ZNF804B: variants seen among roughly 807,000 people sequenced by gnomAD.
ZNF804B encodes the protein zinc finger 804B.
A neutral mutation model predicts 101.4 loss-of-function variants in ZNF804B; 80 were observed. The observed-to-expected ratio is 0.79, with a 90% CI of 0.66 to 0.95. The LOEUF is 0.95. ZNF804B is among the 40% of genes least tolerant of loss of function. The pLI, the probability that ZNF804B is intolerant of heterozygous loss-of-function variation, is 0.00. For missense variants in ZNF804B, 1,673 were observed against 1,561.9 expected (o/e 1.07, Z -1.20); for synonymous variants, 622 against 558.8 (o/e 1.11, Z -1.59).
chr7:89,083,868 A>G (rs1044063196), intron 1 of ZNF804B, among the ~76,000 whole-genome samples: 3 of 151,924 alleles, frequency 2.0e-5, no homozygotes, highest in Admixed American at 6.6e-5. Flanking sequence ...AATATACTTC[A>G]GATATGAGTA....
chr7:88,917,144 A>G (rs201491294), intron 1 of ZNF804B, among the ~76,000 whole-genome samples: 1 of 152,038 alleles, frequency 6.6e-6, no homozygotes, highest in East Asian at 1.9e-4. Context: ...AGGTGTGTGT[A>G]ATCCCAGCTA....
chr7:88,936,222 A>G (rs529774110), intron 1 of ZNF804B, among the ~76,000 whole-genome samples: 1 of 152,138 alleles, frequency 6.6e-6, no homozygotes, highest in South Asian at 2.1e-4. Context: ...GCATTACACT[A>G]TCATTTTAAT....
chr7:89,085,017 T>C (rs1019518981), intron 1 of ZNF804B, among the ~76,000 whole-genome samples: 3 of 151,916 alleles, frequency 2.0e-5, no homozygotes, highest in Non-Finnish European at 2.9e-5. Context: ...CTGTAGCTCT[T>C]TTTATTTCAA....
At chr7:88,921,662 A>G (rs1194232713) in intron 1 of ZNF804B, among the ~76,000 whole-genome samples, 2 of 152,060 alleles carry the variant, frequency 1.3e-5, no homozygotes, top group East Asian at 1.9e-4. Context: ...GATTACTAGC[A>G]TGTTTACTAG....
chr7:89,333,791 A>C lies in ZNF804B; in HGVS notation c.809A>C (p.Asn270Thr), dbSNP rs368157318. 5.1e-5 allele frequency: 82 copies of C among 1,613,382 alleles called. No individual in the cohort carries two copies. Among genetic ancestry groups the C allele is most frequent in the Non-Finnish European group, 6.4e-5 (76 of 1,179,754 alleles). ...AAGTGCAAGTGCTGCAGGTTTGCAA[A>C]TAAAGATACACACCTTACCAAGGAA... ...ADKCKCCRFA[N>T]KDTHLTKEKE... is the part of the protein sequence containing the mutation. The change falls in exon 4 of 4, where the codon AAT becomes ACT. Residue 270 changes from asparagine to threonine, a missense_variant. By Grantham distance (65) the Asn-to-Thr change is moderately conservative. Transcript: ENST00000333190.
At chr7:88,821,919 G>A (rs991153503) in intron 1 of ZNF804B, among the ~76,000 whole-genome samples, 5 of 152,096 alleles carry the variant, frequency 3.3e-5, no homozygotes, top group Admixed American at 1.3e-4. Context: ...CAAAAAGTAT[G>A]AGGAATGCTG....
intron 1 of ZNF804B, among the ~76,000 whole-genome samples, chr7:89,023,925 A>G (rs1788707220): frequency 6.6e-6 from 1 of 152,170 alleles, no homozygotes; most frequent in Non-Finnish European, 1.5e-5. Context: ...TTACAATGAA[A>G]CCAAGCTGAC....
intron 1 of ZNF804B, among the ~76,000 whole-genome samples, chr7:89,116,194 A>G (rs145618452): frequency 9.2e-5 from 14 of 152,086 alleles, no homozygotes; most frequent in African/African-American, 3.4e-4. Context: ...GATTACAGGC[A>G]TGAGCCACCG....
At chr7:88,816,095 C>T (rs1213118092) in intron 1 of ZNF804B, among the ~76,000 whole-genome samples, 10 of 152,066 alleles carry the variant, frequency 6.6e-5, no homozygotes, top group Admixed American at 6.6e-4. Context: ...TTTAACACCC[C>T]TCATTGAGCT....
At chr7:88,823,470 C>T (rs73200621) in intron 1 of ZNF804B, among the ~76,000 whole-genome samples, 4 of 152,018 alleles carry the variant, frequency 2.6e-5, no homozygotes, top group Non-Finnish European at 5.9e-5. Flanking sequence ...TGACTGATGC[C>T]ACAATTCAAG....
At chr7:88,969,519 A>G (rs563785510) in intron 1 of ZNF804B, among the ~76,000 whole-genome samples, 42 of 151,790 alleles carry the variant, frequency 2.8e-4, no homozygotes, top group Admixed American at 4.6e-4. Flanking sequence ...AATTCCTGTC[A>G]TTAGAGTGAT....
At chr7:89,054,624 G>A (rs924523801) in intron 1 of ZNF804B, among the ~76,000 whole-genome samples, 32 of 151,886 alleles carry the variant, frequency 2.1e-4, no homozygotes, top group Admixed American at 1.4e-3. Flanking sequence ...TTTGTTATCT[G>A]GCATAAAGCA....
At chr7:88,876,716 A>G (rs1791945178) in intron 1 of ZNF804B, among the ~76,000 whole-genome samples, 1 of 151,982 alleles carries the variant, frequency 6.6e-6, no homozygotes, top group Non-Finnish European at 1.5e-5. Context: ...CTCCTTGAAA[A>G]CATGGGCTGT....
intron 1 of ZNF804B, among the ~76,000 whole-genome samples, chr7:88,933,085 A>G (rs911051720): frequency 7.2e-5 from 11 of 151,948 alleles, no homozygotes; most frequent in African/African-American, 2.7e-4. Context: ...AATATCAAAA[A>G]TATAATACAC....
At chr7:89,091,641 T>G (rs554612227) in intron 1 of ZNF804B, among the ~76,000 whole-genome samples, 2 of 152,274 alleles carry the variant, frequency 1.3e-5, no homozygotes, top group South Asian at 4.2e-4. Context: ...AGACAATACA[T>G]CCCACAAAGA....
At chr7:89,076,557 C>G (rs535017842) in intron 1 of ZNF804B, among the ~76,000 whole-genome samples, 5 of 152,068 alleles carry the variant, frequency 3.3e-5, no homozygotes, top group Non-Finnish European at 5.9e-5. Flanking sequence ...CTAATACAAT[C>G]AGTTATAAAG....
intron 1 of ZNF804B, among the ~76,000 whole-genome samples, chr7:88,973,933 A>G (rs796707716): frequency 8.6e-5 from 13 of 151,498 alleles, no homozygotes; most frequent in African/African-American, 3.1e-4. Flanking sequence ...ATGAGAAAAT[A>G]GTGAGATGTT....
rs1491177302 is a variant in ZNF804B, at chr7:88,854,426, T to TCTTCCTTC, written c.108+94345_108+94346insCCTTCCTT. Among the ~76,000 whole-genome samples, 95 of 88,010 alleles carry TCTTCCTTC rather than the reference T, an allele frequency of 1.1e-3. 1 individual carries two copies. The highest frequency in any genetic ancestry group is 1.5e-3 in the Admixed American group (13 of 8,408). The allele number at this position is 88,010 out of a possible 152,430, so 57.7% of individuals were successfully genotyped here. A position where few individuals can be genotyped will look rare whatever the true frequency, so the allele number is the denominator to read the frequency against. On this transcript the variant is annotated intron_variant, in intron 1 of 3. Transcript: ENST00000333190. The stretch of plus-strand genomic sequence containing the variant: ...TTCTTTCTTTCTTCCTTTCTTTCTT[T>TCTTCCTTC]CTTTCTTTCTTTCTTTCTTTCTTTC...
intron 1 of ZNF804B, among the ~76,000 whole-genome samples, chr7:89,105,382 G>T (rs1790119025): frequency 1.3e-5 from 2 of 152,052 alleles, no homozygotes; most frequent in Admixed American, 1.3e-4. Flanking sequence ...AAATTCCATG[G>T]ATAGCTTTTA....
Sources: allele counts gnomAD v4.1 joint callset (sites outside exome capture counted in the v4.1 genomes callset), GRCh38; gene constraint gnomAD v4.1.1; transcripts MANE v1.5; gene names NCBI Gene and HGNC (gene_info 2026-07-23, HGNC 2026-07-21).